Variants in PREX2 observed in about 807,000 individuals in gnomAD.
PREX2 encodes the protein phosphatidylinositol-3,4,5-trisphosphate dependent Rac exchange factor 2, also known as phosphatidylinositol 3,4,5-trisphosphate-dependent Rac exchanger 2 protein.
Under a neutral mutation model 203.2 loss-of-function variants are expected in PREX2, and 107 were observed. That is an observed-to-expected ratio of 0.53 (90% CI 0.45 to 0.62). PREX2 has a LOEUF of 0.62. Ranked by LOEUF, PREX2 falls within the 20% of genes least tolerant of loss-of-function variation. The pLI is 0.00. For missense variants in PREX2, 1,777 were observed against 1,955.9 expected (o/e 0.91, Z 1.72); for synonymous variants, 672 against 663.6 (o/e 1.01, Z -0.19).
chr8:68,119,872 A>G (rs1810734563), intron 28 of PREX2, among the ~76,000 whole-genome samples: 1 of 152,110 alleles, frequency 6.6e-6, no homozygotes, highest in African/African-American at 2.4e-5. Flanking sequence ...TTGGATGCTA[A>G]TTTTGTTGTT....
intron 14 of PREX2, among the ~76,000 whole-genome samples, chr8:68,073,991 G>A (rs1289814616): frequency 2.0e-5 from 3 of 150,688 alleles, no homozygotes; most frequent in Admixed American, 6.6e-5. Flanking sequence ...TTTTTTAGAC[G>A]AGTCTCACTT....
At chr8:68,094,925 T>C (rs1361128489) in intron 21 of PREX2, 1 of 152,268 alleles carries the variant, frequency 6.6e-6, no homozygotes, top group Non-Finnish European at 1.5e-5. Flanking sequence ...ATTCAGCGGG[T>C]TCCCACATCC....
intron 11 of PREX2, 117 bp from the exon 12 acceptor site, chr8:68,068,916 C>T (rs12541033): frequency 0.54 from 238,186 of 443,300 alleles, 64,402 homozygotes; most frequent in South Asian, 0.58. Flanking sequence ...AAGCAAATGC[C>T]TTTTGTAAAA....
intron 34 of PREX2, among the ~76,000 whole-genome samples, chr8:68,147,532 TG>T: frequency 6.6e-6 from 1 of 152,178 alleles, no homozygotes; most frequent in Non-Finnish European, 1.5e-5. Flanking sequence ...ATGTGAGACT[TG>T]CCCTTCACCT....
intron 35 of PREX2, among the ~76,000 whole-genome samples, chr8:68,185,609 A>G (rs560248660): frequency 6.6e-4 from 100 of 152,318 alleles, no homozygotes; most frequent in Non-Finnish European, 1.1e-3. Context: ...ATGGTATGCA[A>G]TAAATGCCAA....
At chr8:67,973,908 G>A (rs1486899315) in intron 1 of PREX2, among the ~76,000 whole-genome samples, 1 of 152,156 alleles carries the variant, frequency 6.6e-6, no homozygotes. Flanking sequence ...AACAGTGCTA[G>A]TTCAACTGTT....
At chr8:68,067,387 T>C (rs146868359) in intron 11 of PREX2, among the ~76,000 whole-genome samples, 44 of 152,202 alleles carry the variant, frequency 2.9e-4, no homozygotes, top group African/African-American at 9.6e-4. Context: ...GTGTTTTCTT[T>C]AATTTCTTTC....
chr8:68,001,302 A>C (rs555203514), intron 1 of PREX2, among the ~76,000 whole-genome samples: 2 of 78,742 alleles, frequency 2.5e-5, no homozygotes, highest in South Asian at 1.3e-3. Context: ...ACTTTTCAAA[A>C]GAAGAAAGAC....
At chr8:68,000,486 T>C (rs750908499) in intron 1 of PREX2, among the ~76,000 whole-genome samples, 13 of 152,184 alleles carry the variant, frequency 8.5e-5, no homozygotes, top group Admixed American at 3.9e-4. Flanking sequence ...TGCTCATGGA[T>C]AGGAAGAATC....
At position 68,146,347 on chromosome 8, in the gene PREX2, C is replaced by T; in HGVS notation, c.4226C>T (p.Ala1409Val). ...TTTAAAATTCATCCTGTTCTTTTTG[C>T]ACAAGGTAAACTGTTTCTCTTTTGA... ...GGFKIHPVLF[A>V]QALESMEGYY... The change falls in exon 34 of 40, where the codon GCA (alanine) becomes GTA (valine). Residue 1409 changes from alanine (A) to valine (V), a missense_variant. Transcript: ENST00000288368. 3 of 1,611,564 alleles carry T rather than the reference C, an allele frequency of 1.9e-6. No individual in the cohort carries two copies. Among genetic ancestry groups the T allele is most frequent in the South Asian group, 2.2e-5 (2 of 90,612 alleles).
At chr8:68,007,897 C>A (rs955089776) in intron 1 of PREX2, among the ~76,000 whole-genome samples, 12 of 152,356 alleles carry the variant, frequency 7.9e-5, no homozygotes, top group Admixed American at 2.0e-4. Flanking sequence ...GCATGAGCCA[C>A]CGCGCCCGGC....
At chr8:68,001,858 G>A (rs1008902202) in intron 1 of PREX2, among the ~76,000 whole-genome samples, 34 of 152,136 alleles carry the variant, frequency 2.2e-4, no homozygotes, top group African/African-American at 7.5e-4. Flanking sequence ...ACCAAATACC[G>A]CATGTTCTCA....
Position 68,030,659 on chromosome 8 carries a change from G to A in PREX2, c.705+1G>A. On this transcript the variant is annotated splice_donor_variant, in intron 6 of 39. Transcript: ENST00000288368. LOFTEE classifies it high-confidence loss of function. ...GCAGTCTCACATTGAAGGCTGGGAG[G>A]TACATTCACTTTGCTTGACAATCGA... 1 of 1,613,240 alleles carries A rather than the reference G, an allele frequency of 6.2e-7. No individual in the cohort carries two copies. Among genetic ancestry groups the A allele is most frequent in the Non-Finnish European group, 8.5e-7 (1 of 1,179,364 alleles).
At chr8:68,172,952 C>A (rs1811908039) in intron 35 of PREX2, among the ~76,000 whole-genome samples, 1 of 152,176 alleles carries the variant, frequency 6.6e-6, no homozygotes, top group Non-Finnish European at 1.5e-5. Context: ...AATGTATCTT[C>A]TTGCAGAATG....
chr8:68,104,609 C>T (rs539272406), intron 23 of PREX2, among the ~76,000 whole-genome samples: 2 of 152,304 alleles, frequency 1.3e-5, no homozygotes, highest in East Asian at 3.9e-4. Context: ...AACTTCCAAC[C>T]CTCTTACACT....
chr8:68,044,248 T>C (rs1808278097), intron 7 of PREX2, among the ~76,000 whole-genome samples: 1 of 152,138 alleles, frequency 6.6e-6, no homozygotes, highest in African/African-American at 2.4e-5. Flanking sequence ...ACCTGTGTAC[T>C]ATCCTTAGCT....
intron 18 of PREX2, 64 bp downstream of exon 18, chr8:68,083,452 A>G (rs1014747155): frequency 3.6e-5 from 45 of 1,257,956 alleles, no homozygotes; most frequent in Non-Finnish European, 5.1e-5. Context: ...CACAGAAAAG[A>G]TAACTAAGTA....
At chr8:68,204,243 T>C (rs728032) in intron 37 of PREX2, among the ~76,000 whole-genome samples, 42,304 of 151,954 alleles carry the variant, frequency 0.28, 8,117 homozygotes, top group East Asian at 0.71. Flanking sequence ...AGAAGGTCCC[T>C]AATCACCTCT....
At chr8:68,034,453 C>T (rs1422550546) in intron 6 of PREX2, among the ~76,000 whole-genome samples, 4 of 152,084 alleles carry the variant, frequency 2.6e-5, no homozygotes, top group African/African-American at 9.7e-5. Context: ...TATCAATAAA[C>T]ATTACGTTGT....
Sources: gnomAD v4.1 joint callset for allele counts (sites outside exome capture counted in the v4.1 genomes callset) on GRCh38, gnomAD v4.1.1 for gene constraint, MANE v1.5 for transcripts, NCBI Gene and HGNC (gene_info 2026-07-23, HGNC 2026-07-21) for gene names.